CPS1: variants seen among roughly 807,000 people sequenced by gnomAD.
CPS1 encodes the protein carbamoyl-phosphate synthase 1, also known as carbamoyl-phosphate synthase [ammonia], mitochondrial.
CPS1 carries 109 observed loss-of-function variants against 174.6 expected under a neutral mutation model. The ratio of observed to expected loss-of-function variants is 0.62; its 90% CI spans 0.53 to 0.73. The LOEUF is 0.73. Among genes scored for constraint, CPS1 ranks in the 30% least tolerant of loss-of-function variants. The pLI is 0.00. For missense variants in CPS1, 1,689 were observed against 1,821.9 expected (o/e 0.93, Z 1.33); for synonymous variants, 637 against 632.0 (o/e 1.01, Z -0.12).
chr2:210,668,538 A>C (rs1280249719), intron 34 of CPS1, among the ~76,000 whole-genome samples: 1 of 152,162 alleles, frequency 6.6e-6, no homozygotes, highest in African/African-American at 2.4e-5. Context: ...TCTAAATGGG[A>C]TGCAGGGTAC....
intron 1 of CPS1, among the ~76,000 whole-genome samples, chr2:210,525,950 A>G (rs534450716): frequency 2.0e-5 from 3 of 151,962 alleles, no homozygotes; most frequent in Admixed American, 6.6e-5. Context: ...AGAAAATGCA[A>G]GCAGTCCCAC....
At chr2:210,582,147 T>C (rs145222760) in intron 5 of CPS1, among the ~76,000 whole-genome samples, 1 of 152,352 alleles carries the variant, frequency 6.6e-6, no homozygotes, top group African/African-American at 2.4e-5. Flanking sequence ...TTATGACTTA[T>C]GTTGCATTTC....
At chr2:210,578,349 A>T (rs1021258399) in intron 4 of CPS1, among the ~76,000 whole-genome samples, 21 of 152,136 alleles carry the variant, frequency 1.4e-4, no homozygotes, top group African/African-American at 4.1e-4. Context: ...ACTTCATGTG[A>T]TCCACCCGAC....
chr2:210,595,218 A>T (rs1698446074), intron 12 of CPS1, among the ~76,000 whole-genome samples: 1 of 151,828 alleles, frequency 6.6e-6, no homozygotes, highest in African/African-American at 2.4e-5. Flanking sequence ...ATATTTTTGG[A>T]TATTTATATA....
chr2:210,662,930 C>T (rs149154769), intron 32 of CPS1, among the ~76,000 whole-genome samples, 193 bp from the exon 33 acceptor site: 164 of 152,268 alleles, frequency 1.1e-3, no homozygotes, highest in African/African-American at 3.7e-3. Context: ...GCCAAGAGCT[C>T]AAGAAATTCT....
chr2:210,595,434 T>A (rs989366449), intron 12 of CPS1, 53 bp from the exon 13 acceptor site: 13 of 1,287,898 alleles, frequency 1.0e-5, no homozygotes, highest in Non-Finnish European at 1.5e-5. Context: ...TGAAAATGCC[T>A]TATTTCCCCC....
Position 210,591,628 on chromosome 2 carries a change from C to T in CPS1, c.948-203C>T, listed in dbSNP as rs150778667. ...TTAATAGACCTGCGTATTTAACACA[C>T]AACAAAGCTTCCTGAATTGATTTTT... On this transcript the variant is annotated intron_variant, in intron 9 of 37. Coordinates refer to ENST00000233072, the MANE Select transcript of CPS1 (RefSeq NM_001875.5). 6.2e-4 allele frequency among the ~76,000 whole-genome samples: 94 copies of T among 152,180 alleles called. No individual in the cohort carries two copies. In the Middle Eastern group the frequency reaches 0.01, roughly 17 times the overall value.
intron 1 of CPS1, among the ~76,000 whole-genome samples, chr2:210,501,271 T>G (rs1695132556): frequency 6.6e-6 from 1 of 152,164 alleles, no homozygotes; most frequent in Non-Finnish European, 1.5e-5. Context: ...TTTCCCATTG[T>G]CTTGGTGATT....
chr2:210,574,380 GATACT>G (rs1697615832), intron 2 of CPS1, among the ~76,000 whole-genome samples: 1 of 151,984 alleles, frequency 6.6e-6, no homozygotes, highest in African/African-American at 2.4e-5. Context: ...TAGGTTCACT[GATACT>G]GAATATACTA....
intron 31 of CPS1, 140 bp from the exon 32 acceptor site, chr2:210,660,345 A>G: frequency 1.2e-6 from 1 of 819,220 alleles, no homozygotes; most frequent in Non-Finnish European, 2.0e-6. Context: ...CCAAGCAGTA[A>G]GGAGAAAAGA....
chr2:210,527,266 ACTTTT>A (rs1695999363), intron 1 of CPS1, among the ~76,000 whole-genome samples: 5 of 151,930 alleles, frequency 3.3e-5, no homozygotes, highest in Admixed American at 3.3e-4. Context: ...TTTGCAATTT[ACTTTT>A]CTTACATACA....
At chr2:210,483,737 G>T (rs1214037203) in intron 1 of CPS1, among the ~76,000 whole-genome samples, 3 of 152,122 alleles carry the variant, frequency 2.0e-5, no homozygotes, top group African/African-American at 7.2e-5. Context: ...AAATAAACTG[G>T]CATAGCTATA....
upstream of CPS1, among the ~76,000 whole-genome samples, chr2:210,551,645 C>T (rs552846005): frequency 6.6e-6 from 1 of 151,880 alleles, no homozygotes; most frequent in Non-Finnish European, 1.5e-5. Flanking sequence ...TACAAGGTCT[C>T]TTTTCCAGCT....
intron 33 of CPS1, among the ~76,000 whole-genome samples, chr2:210,663,503 A>G (rs1416083246): frequency 2.0e-5 from 3 of 152,128 alleles, no homozygotes; most frequent in African/African-American, 7.2e-5. Flanking sequence ...TTTTATTTAA[A>G]GGTTCTCGGG....
intron 1 of CPS1, among the ~76,000 whole-genome samples, chr2:210,518,649 A>AG (rs1336577415): frequency 6.6e-6 from 1 of 152,068 alleles, no homozygotes; most frequent in Non-Finnish European, 1.5e-5. Context: ...GTAGCCTCAT[A>AG]GCTGCCCAAC....
chr2:210,637,864 C>G lies in CPS1; in HGVS notation c.2829+21C>G, dbSNP rs764379872. ...AACAGGTAAAGGAGTTTCCCTTTTC[C>G]CCCATCCCCCACTGACAGGATTTCT... On this transcript the variant is annotated intron_variant, in intron 22 of 37. Transcript: ENST00000233072. 4 of 1,613,288 alleles carry G rather than the reference C, an allele frequency of 2.5e-6. No individual in the cohort carries two copies. In the African/African-American group the frequency reaches 5.3e-5, roughly 22 times the overall value.
rs891008962 is a variant in CPS1 at position 210,608,486 on chromosome 2, T to A, written c.2318T>A (p.Ile773Asn). 2.5e-6 allele frequency: 4 copies of A among 1,612,290 alleles called. No individual in the cohort carries two copies. Among genetic ancestry groups the A allele is most frequent in the Non-Finnish European group, 3.4e-6 (4 of 1,178,874 alleles). Residue 773 changes from isoleucine to asparagine, a missense_variant, in exon 19 of 38, where the codon ATT (isoleucine) becomes AAT (asparagine). Coordinates refer to ENST00000233072, the MANE Select transcript of CPS1 (RefSeq NM_001875.5). The stretch of plus-strand genomic sequence containing the variant: ...AGCCTGGATTACATGGTCACCAAGA[T>A]TCCCCGCTGGGATCTTGACCGTTTT... Reference protein sequence around the residue: ...EPSLDYMVTKIPRWDLDRFHG... With the variant: ...EPSLDYMVTKNPRWDLDRFHG...
intron 1 of CPS1, among the ~76,000 whole-genome samples, chr2:210,514,729 T>C (rs1032498353): frequency 1.1e-4 from 17 of 151,770 alleles, no homozygotes; most frequent in Non-Finnish European, 2.2e-4. Flanking sequence ...ATTGGTTGAA[T>C]TGGAGTGGTA....
rs1051942235 is a variant in CPS1 at position 210,606,906 on chromosome 2, G to A, written c.2157G>A (p.Leu719=). The change falls in exon 18 of 38, where the codon CTG becomes CTA. Residue 719 remains leucine, a synonymous_variant. Transcript: ENST00000233072. ...EYCIIEVNAR[L]SRSSALASKA... ...GCATCATTGAAGTGAATGCCAGACT[G>A]TCCCGAAGCTCTGCTCTGGCCTCAA... 1 of 1,612,360 alleles carries A rather than the reference G, an allele frequency of 6.2e-7. No individual in the cohort carries two copies. Among genetic ancestry groups the A allele is most frequent in the African/African-American group, 1.3e-5 (1 of 74,804 alleles).
Sources: gnomAD v4.1 joint callset for allele counts (sites outside exome capture counted in the v4.1 genomes callset) on GRCh38, gnomAD v4.1.1 for gene constraint, MANE v1.5 for transcripts, NCBI Gene and HGNC (gene_info 2026-07-23, HGNC 2026-07-21) for gene names.